Variants in ISG20L2 observed in about 807,000 individuals in gnomAD.
ISG20L2 encodes interferon stimulated exonuclease gene 20 like 2.
In ISG20L2, 14 loss-of-function variants were observed where a neutral mutation model predicts 27.8. That is an observed-to-expected ratio of 0.50 (90% CI 0.33 to 0.79). ISG20L2 has a LOEUF of 0.79. ISG20L2 is among the 30% of genes least tolerant of loss of function. The pLI is 0.02. For missense variants in ISG20L2, 393 were observed against 435.1 expected, an observed-to-expected ratio of 0.90 and a Z score of 0.86; for synonymous variants, 157 against 165.7, an observed-to-expected ratio of 0.95 and a Z score of 0.40.
chr1:156,727,838 C>A, intron 1 of ISG20L2, 69 bp from the exon 2 acceptor site: 1 of 1,407,246 alleles, frequency 7.1e-7, no homozygotes. Context: ...AGCTCGATCT[C>A]CGTAGGACTT....
chr1:156,723,783 C>A, intron 3 of ISG20L2: 1 of 985,448 alleles, frequency 1.0e-6, no homozygotes, highest in Non-Finnish European at 1.2e-6. Context: ...CTTAACTGCT[C>A]TATATGTGAC....
At chr1:156,724,052 C>T in intron 3 of ISG20L2, 96 bp downstream of exon 3, 2 of 1,241,250 alleles carry the variant, frequency 1.6e-6, no homozygotes, top group Non-Finnish European at 2.3e-6. Flanking sequence ...CCACCTGGAT[C>T]TCTACAACCA....
intron 2 of ISG20L2, 91 bp downstream of exon 2, chr1:156,726,815 G>T: frequency 2.0e-6 from 3 of 1,513,560 alleles, no homozygotes; most frequent in Non-Finnish European, 2.6e-6. Flanking sequence ...ACAAACGTTG[G>T]TGTCTTCCCA....
intron 3 of ISG20L2, 52 bp from the exon 4 acceptor site, chr1:156,723,514 C>T: frequency 6.2e-7 from 1 of 1,609,552 alleles, no homozygotes; most frequent in Non-Finnish European, 8.5e-7. Flanking sequence ...CCGTTTCTTC[C>T]TTCCCAGTGT....
At chr1:156,725,172 G>A (rs1648696470) in intron 2 of ISG20L2, 1 of 152,304 alleles carries the variant, frequency 6.6e-6, no homozygotes, top group East Asian at 1.9e-4. Flanking sequence ...GGCTGGTCTT[G>A]AACTCCTGAT....
chr1:156,727,300 A>C lies in ISG20L2; in HGVS notation c.353T>G (p.Leu118Trp). The change falls in exon 2 of 4, where the codon TTG becomes TGG. Residue 118 changes from leucine to tryptophan, a missense_variant. By Grantham distance (61) the Leu-to-Trp change is moderately conservative. This residue lies in a region of ISG20L2 where 183 missense variants were observed against 168.2 expected (regional missense o/e 1.09). Coordinates refer to ENST00000368219, the MANE Select transcript of ISG20L2 (RefSeq NM_001370150.2). ...KADSVAAKVD[L>W]LGEFQSALPK... ...AAGGGCACTCTGGAACTCCCCCAGC[A>C]AATCTACTTTAGCAGCAACAGAATC... 6.2e-7 allele frequency: 1 copy of C among 1,614,202 alleles called. No homozygotes were observed. The highest frequency in any genetic ancestry group is 1.7e-5 in the Admixed American group (1 of 60,026).
chr1:156,726,909 G>A lies in ISG20L2; in HGVS notation c.744C>T (p.Gly248=). ...CATCAAGCCCCATGCTTCTTACCTG[G>A]CCTCGAGCAATCTTGAAGGGTGTGG... is the stretch of plus-strand genomic sequence containing the variant. ...VNATPFKIAR[G]QILKILTGKI... The change falls in exon 2 of 4, where the codon GGC becomes GGT. Residue 248 remains glycine, a synonymous_variant. Coordinates refer to ENST00000368219, the MANE Select transcript of ISG20L2 (RefSeq NM_001370150.2). 1.9e-6 allele frequency: 3 copies of A among 1,610,868 alleles called. No individual in the cohort carries two copies. Among genetic ancestry groups the A allele is most frequent in the Non-Finnish European group, 2.5e-6 (3 of 1,177,632 alleles).
In ISG20L2 at chr1:156,727,542, C is replaced by G. The variant is rs1364088013; in HGVS notation, c.111G>C (p.Arg37=). ...GGTTCTTTTTACTCAGAAAGCCTCT[C>G]CGTTCTAAGAGCCTCCGCTTCTTGA... ...NFVKKRRLLE[R]RGFLSKKNQP... Residue 37 remains arginine, a synonymous_variant, in exon 2 of 4, where the codon CGG becomes CGC. Transcript: ENST00000368219. 1.9e-6 allele frequency: 3 copies of G among 1,614,190 alleles called. No individual in the cohort carries two copies. Among genetic ancestry groups the G allele is most frequent in the South Asian group, 2.2e-5 (2 of 91,084 alleles).
At chr1:156,723,529 T>G in intron 3 of ISG20L2, 67 bp from the exon 4 acceptor site, 2 of 1,595,464 alleles carry the variant, frequency 1.3e-6, no homozygotes, top group Non-Finnish European at 1.7e-6. Flanking sequence ...CAGTGTACTC[T>G]CTGTACTCCT....
In ISG20L2 at chr1:156,722,281, G is replaced by C. The variant is rs1267440450; in HGVS notation, c.*1068C>G. ...AATTTTAATTTTTTTTTTTTTTTGA[G>C]ACAGAGTCTCGCTCTGTGGCCGTGG... On this transcript the variant is annotated 3_prime_UTR_variant, in exon 4 of 4. Transcript: ENST00000368219. 3 of 147,104 alleles carry C rather than the reference G, an allele frequency of 2.0e-5. No homozygotes were observed. Among genetic ancestry groups the C allele is most frequent in the African/African-American group, 5.1e-5 (2 of 39,166 alleles). 9.1% of individuals were successfully genotyped at this position (147,104 alleles called of 1,614,324 possible).
At chr1:156,724,382 G>A (rs368359063) in intron 2 of ISG20L2, 34 bp from the exon 3 acceptor site, 731 of 1,566,234 alleles carry the variant, frequency 4.7e-4, no homozygotes, top group Non-Finnish European at 6.1e-4. Flanking sequence ...TGGTGAGAAG[G>A]AAGACTGAAG....
Position 156,726,994 on chromosome 1 carries a change from CA to C in ISG20L2, c.658del (p.Cys220AlafsTer19), listed in dbSNP as rs1195441452. ...VLYDEYILPP[C>X]HIVDYRTRWS... ...CCTGGTTCGGTAGTCCACAATGTGG[CA>C]GGGGGGAAGAATGTACTCGTCATAA... On this transcript the variant is annotated frameshift_variant, in exon 2 of 4. Transcript: ENST00000368219. LOFTEE classifies it high-confidence loss of function. 2 of 1,614,210 alleles carry C rather than the reference CA, an allele frequency of 1.2e-6. No homozygotes were observed. Among genetic ancestry groups the C allele is most frequent in the East Asian group, 2.2e-5 (1 of 44,892 alleles).
Position 156,726,890 on chromosome 1 carries a change from G to C in ISG20L2, c.747+16C>G. The C allele has an allele frequency of 6.2e-7, 1 of 1,603,128 alleles. No homozygotes were observed. Among genetic ancestry groups the C allele is most frequent in the Non-Finnish European group, 8.5e-7 (1 of 1,172,670 alleles). The stretch of plus-strand genomic sequence containing the variant: ...CCATCCACCTCCCTGCCACCATCAA[G>C]CCCCATGCTTCTTACCTGGCCTCGA... On this transcript the variant is annotated intron_variant, in intron 2 of 3. Coordinates refer to ENST00000368219, the MANE Select transcript of ISG20L2 (RefSeq NM_001370150.2).
chr1:156,725,910 C>G, intron 2 of ISG20L2: 1 of 985,518 alleles, frequency 1.0e-6, no homozygotes. Context: ...ATGGGAACAG[C>G]GTGTCCAGAG....
chr1:156,727,962 C>G, intron 1 of ISG20L2, 193 bp from the exon 2 acceptor site: 2 of 1,109,518 alleles, frequency 1.8e-6, no homozygotes, highest in South Asian at 5.8e-5. Context: ...TAGTGAAGCC[C>G]AATTCACCAG....
chr1:156,726,763 G>T, intron 2 of ISG20L2, 143 bp downstream of exon 2: 1 of 1,452,994 alleles, frequency 6.9e-7, no homozygotes, highest in Non-Finnish European at 9.0e-7. Context: ...CCACCGACAG[G>T]GGGCCTTCTT....
chr1:156,727,021 A>G lies in ISG20L2; in HGVS notation c.632T>C (p.Leu211Pro). ...CSIVNYNGDV[L>P]YDEYILPPCH... The stretch of plus-strand genomic sequence containing the variant: ...GGGGGGAAGAATGTACTCGTCATAA[A>G]GCACATCTCCGTTGTAGTTGACAAT... The change falls in exon 2 of 4, where the codon CTT (leucine) becomes CCT (proline). Residue 211 changes from leucine to proline, a missense_variant. Physicochemically the swap from Leu to Pro is moderately conservative, Grantham distance 98. This residue lies in a region of ISG20L2 where 171 missense variants were observed against 195.3 expected (regional missense o/e 0.88). Transcript: ENST00000368219. 1 of 1,614,212 alleles carries G rather than the reference A, an allele frequency of 6.2e-7. No homozygotes were observed. Among genetic ancestry groups the G allele is most frequent in the Non-Finnish European group, 8.5e-7 (1 of 1,180,032 alleles).
intron 1 of ISG20L2, 149 bp from the exon 2 acceptor site, chr1:156,727,918 G>A: frequency 3.3e-6 from 4 of 1,210,202 alleles, no homozygotes; most frequent in Non-Finnish European, 4.1e-6. Flanking sequence ...AAATGATGGA[G>A]GGAGCATTGG....
chr1:156,726,800 C>T, intron 2 of ISG20L2, 106 bp downstream of exon 2: 1 of 1,503,034 alleles, frequency 6.7e-7, no homozygotes, highest in Admixed American at 2.2e-5. Flanking sequence ...CTCCTCCCTC[C>T]CTCCACAAAC....
Sources: gnomAD v4.1 joint callset for allele counts on GRCh38, gnomAD v4.1.1 for gene constraint, gnomAD v4.1.1 regional missense constraint, MANE v1.5 for transcripts, NCBI Gene and HGNC (gene_info 2026-07-23, HGNC 2026-07-21) for gene names.